PITPNC1: variants seen among roughly 807,000 people sequenced by gnomAD.
The protein encoded by PITPNC1 is cytoplasmic phosphatidylinositol transfer protein 1.
Under a neutral mutation model 44.7 loss-of-function variants are expected in PITPNC1, and 18 were observed. That is an observed-to-expected ratio of 0.40 (90% CI 0.28 to 0.60). PITPNC1 has a LOEUF of 0.60. PITPNC1 is among the 20% of genes least tolerant of loss of function. The probability of loss-of-function intolerance (pLI) is 0.39; values close to 1 mark genes in which losing one functional copy is unlikely to be tolerated. For synonymous variants in PITPNC1, 141 were observed against 149.6 expected (o/e 0.94, Z 0.42); for missense variants, 290 against 418.4 (o/e 0.69, Z 2.68).
chr17:67,670,534 G>A (rs971335056), intron 7 of PITPNC1, among the ~76,000 whole-genome samples: 80 of 151,974 alleles, frequency 5.3e-4, no homozygotes, highest in African/African-American at 1.8e-3. Context: ...GATCACTTGA[G>A]GTCAGGAGTT....
At chr17:67,544,012 G>A (rs2040643860) in intron 2 of PITPNC1, among the ~76,000 whole-genome samples, 1 of 152,104 alleles carries the variant, frequency 6.6e-6, no homozygotes, top group Admixed American at 6.6e-5. Flanking sequence ...TACCACGCCG[G>A]GCTAATTTTT....
intron 1 of PITPNC1, among the ~76,000 whole-genome samples, chr17:67,392,233 A>G (rs962213153): frequency 1.3e-5 from 2 of 152,188 alleles, no homozygotes; most frequent in African/African-American, 2.4e-5. Flanking sequence ...GCAAATTGGA[A>G]GGTATTAAAA....
At chr17:67,617,274 G>A (rs1208344066) in intron 5 of PITPNC1, among the ~76,000 whole-genome samples, 2 of 152,244 alleles carry the variant, frequency 1.3e-5, no homozygotes, top group Admixed American at 6.5e-5. Context: ...GGGAGGCCGA[G>A]GTGGGTGGAT....
At chr17:67,673,291 G>A (rs1338249882) in intron 7 of PITPNC1, among the ~76,000 whole-genome samples, 1 of 152,182 alleles carries the variant, frequency 6.6e-6, no homozygotes, top group Non-Finnish European at 1.5e-5. Flanking sequence ...AGGAAGAAAG[G>A]AATGTTACAG....
chr17:67,608,155 C>T (rs1466585629), intron 5 of PITPNC1, among the ~76,000 whole-genome samples: 1 of 149,048 alleles, frequency 6.7e-6, no homozygotes, highest in Non-Finnish European at 1.5e-5. Context: ...GATAGAGAGG[C>T]ATATTTACAT....
chr17:67,512,671 C>T (rs1004472392), intron 1 of PITPNC1, among the ~76,000 whole-genome samples: 2 of 151,984 alleles, frequency 1.3e-5, no homozygotes, highest in African/African-American at 4.8e-5. Context: ...ACTCCTTGAT[C>T]ACAAGGACCG....
At chr17:67,649,380 C>T (rs1031874017) in intron 6 of PITPNC1, among the ~76,000 whole-genome samples, 1 of 152,188 alleles carries the variant, frequency 6.6e-6, no homozygotes, top group Admixed American at 6.5e-5. Flanking sequence ...GGGAATAGCA[C>T]GGGGGCATCC....
intron 1 of PITPNC1, among the ~76,000 whole-genome samples, chr17:67,423,054 G>A (rs1419805763): frequency 2.0e-5 from 3 of 151,780 alleles, no homozygotes; most frequent in Admixed American, 6.6e-5. Context: ...ATTGCATTAC[G>A]GCTCAACTGC....
chr17:67,575,751 G>A (rs1356608029), intron 4 of PITPNC1, among the ~76,000 whole-genome samples: 1 of 151,956 alleles, frequency 6.6e-6, no homozygotes, highest in Non-Finnish European at 1.5e-5. Flanking sequence ...TAGTTGGTCT[G>A]CTGAAGAATT....
intron 1 of PITPNC1, among the ~76,000 whole-genome samples, chr17:67,517,234 C>T (rs926011552): frequency 1.3e-5 from 2 of 152,208 alleles, no homozygotes; most frequent in African/African-American, 2.4e-5. Flanking sequence ...CTTGAAGTCA[C>T]TTATTGCTTT....
At chr17:67,450,355 A>G (rs916940582) in intron 1 of PITPNC1, among the ~76,000 whole-genome samples, 1 of 147,280 alleles carries the variant, frequency 6.8e-6, no homozygotes, top group African/African-American at 2.5e-5. Context: ...TTCCTCCTGA[A>G]GGTGCACGGG....
At chr17:67,433,466 C>T (rs1468481127) in intron 1 of PITPNC1, among the ~76,000 whole-genome samples, 1 of 152,078 alleles carries the variant, frequency 6.6e-6, no homozygotes, top group African/African-American at 2.4e-5. Flanking sequence ...GCTGGGGAGC[C>T]GGGTGCAGTA....
intron 2 of PITPNC1, among the ~76,000 whole-genome samples, chr17:67,543,963 G>T (rs1368887498): frequency 6.6e-6 from 1 of 152,182 alleles, no homozygotes; most frequent in East Asian, 1.9e-4. Context: ...CGATTCTCCC[G>T]CCTCAGCCTC....
intron 1 of PITPNC1, among the ~76,000 whole-genome samples, chr17:67,398,803 C>T (rs971023188): frequency 2.0e-5 from 3 of 152,030 alleles, no homozygotes; most frequent in African/African-American, 4.8e-5. Context: ...CGTCACAATC[C>T]GATCGAGAAA....
chr17:67,665,439 A>G (rs1331017586), intron 6 of PITPNC1, among the ~76,000 whole-genome samples: 1 of 152,186 alleles, frequency 6.6e-6, no homozygotes, highest in Admixed American at 6.5e-5. Context: ...TCTCTCGGGC[A>G]GATATCTAGG....
In PITPNC1 at chr17:67,442,204, CATATATATATATATATATATATATAT is replaced by C. The variant is rs10526037; in HGVS notation, c.48+64021_48+64046del. Among the ~76,000 whole-genome samples, 517 of 54,246 alleles carry C rather than the reference CATATATATATATATATATATATATAT, an allele frequency of 9.5e-3. 10 individuals carry two copies. Among genetic ancestry groups the C allele is most frequent in the Middle Eastern group, 0.052 (3 of 58 alleles). 35.6% of individuals were successfully genotyped at this position (54,246 alleles called of 152,430 possible). On this transcript the variant is annotated intron_variant, in intron 1 of 8. Coordinates refer to ENST00000581322, the MANE Select transcript of PITPNC1 (RefSeq NM_012417.4). Reference sequence around the variant, plus strand: ...TGGAGCTGGATCAGGGGAAAATAAGCATATATATATATATATATATATATATATATATATATATATATATGCATGAA... The same window carrying C: ...TGGAGCTGGATCAGGGGAAAATAAGCATATATATATATATATATGCATGAA...
intron 6 of PITPNC1, among the ~76,000 whole-genome samples, 195 bp from the exon 7 acceptor site, chr17:67,669,313 T>C (rs1598963443): frequency 6.6e-6 from 1 of 152,040 alleles, no homozygotes; most frequent in Non-Finnish European, 1.5e-5. Context: ...ATGGGGTTTC[T>C]CCATGTTGGT....
chr17:67,583,987 C>T (rs568027339), intron 5 of PITPNC1, among the ~76,000 whole-genome samples: 3 of 151,836 alleles, frequency 2.0e-5, no homozygotes, highest in African/African-American at 7.2e-5. Context: ...GATCCGCCCG[C>T]CTCGGCTTCC....
In PITPNC1 at chr17:67,597,720, C is replaced by G. The variant is rs1474589955; in HGVS notation, c.366+19463C>G. Reference sequence around the variant, plus strand: ...AAACATTTGTTAAACATCTATTCGGCACCAGGGGTTGTTAGGCTGGTGGAA... The same window carrying G: ...AAACATTTGTTAAACATCTATTCGGGACCAGGGGTTGTTAGGCTGGTGGAA... On this transcript the variant is annotated intron_variant, in intron 5 of 8. Coordinates refer to ENST00000581322, the MANE Select transcript of PITPNC1 (RefSeq NM_012417.4). This position sits in a 1 kb window ranked among gnomAD's most constrained non-coding sequence, Gnocchi z 4.0. Among the ~76,000 whole-genome samples the G allele has an allele frequency of 6.6e-6, 1 of 152,158 alleles. No individual in the cohort carries two copies. Among genetic ancestry groups the G allele is most frequent in the South Asian group, 2.1e-4 (1 of 4,826 alleles).
Sources: allele counts gnomAD v4.1 joint callset (sites outside exome capture counted in the v4.1 genomes callset), GRCh38; gene constraint gnomAD v4.1.1; non-coding constraint Gnocchi (gnomAD v3.1); transcripts MANE v1.5; gene names NCBI Gene and HGNC (gene_info 2026-07-23, HGNC 2026-07-21).